The following BCAS1 variants were observed in gnomAD, a reference collection of about 807,000 sequenced individuals.
The protein encoded by BCAS1 is brain enriched myelin associated protein 1, also known as breast carcinoma-amplified sequence 1.
A neutral mutation model predicts 65.4 loss-of-function variants in BCAS1; 46 were observed. That is an observed-to-expected ratio of 0.70 (90% CI 0.55 to 0.90). The LOEUF is 0.90. Among genes scored for constraint, BCAS1 ranks in the 40% least tolerant of loss-of-function variants. BCAS1 has a pLI of 0.00. For missense variants in BCAS1, 793 were observed against 771.2 expected (o/e 1.03, Z -0.33); for synonymous variants, 298 against 293.5 (o/e 1.02, Z -0.16).
rs1555837104 is a variant in BCAS1 at position 53,946,520 on chromosome 20, T to TAC, written c.1816-1526_1816-1525dup. 1.7e-3 allele frequency among the ~76,000 whole-genome samples: 216 copies of TAC among 125,930 alleles called. 1 individual carries two copies. The highest frequency in any genetic ancestry group is 6.2e-3 in the African/African-American group (176 of 28,528). The allele number at this position is 125,930 out of a possible 152,430, so 82.6% of individuals were successfully genotyped here. On this transcript the variant is annotated intron_variant, in intron 12 of 12. Transcript: ENST00000688948. Reference sequence around the variant, plus strand: ...ATTGTATACAGTATATATATATATATACACACACACATAGAGAGAGTATAG... The same window carrying TAC: ...ATTGTATACAGTATATATATATATATACACACACACACATAGAGAGAGTATAG...
chr20:54,027,047 A>G (rs1249652105), intron 4 of BCAS1, among the ~76,000 whole-genome samples: 1 of 152,130 alleles, frequency 6.6e-6, no homozygotes, highest in Non-Finnish European at 1.5e-5. Context: ...GTGCATTTGG[A>G]GACTTATTTT....
intron 9 of BCAS1, among the ~76,000 whole-genome samples, chr20:53,968,841 A>C (rs1457006527): frequency 6.6e-6 from 1 of 152,206 alleles, no homozygotes; most frequent in Non-Finnish European, 1.5e-5. Context: ...GATTGGCCAA[A>C]CAAAACCTAT....
intron 3 of BCAS1, 108 bp downstream of exon 3, chr20:54,057,977 G>A (rs916368136): frequency 1.2e-6 from 1 of 843,338 alleles, no homozygotes; most frequent in East Asian, 2.7e-5. Flanking sequence ...TTCAAACTGA[G>A]CCTGCGGCTT....
In BCAS1 at chr20:54,011,731, G is replaced by A. The variant is rs144816122; in HGVS notation, c.724-15681C>T. Among the ~76,000 whole-genome samples, 812 of 152,278 alleles carry A rather than the reference G, an allele frequency of 5.3e-3. 6 individuals carry two copies. The highest frequency in any genetic ancestry group is 8.2e-3 in the Non-Finnish European group (561 of 68,010). On this transcript the variant is annotated intron_variant, in intron 4 of 12. Coordinates refer to ENST00000688948, the MANE Select transcript of BCAS1 (RefSeq NM_001366298.2). ...AAATAATTAAACATGCAGGCAGGGC[G>A]TGGTGGCAAGTGTCTGTAATCCCAG... is the stretch of plus-strand genomic sequence containing the variant.
chr20:53,979,475 G>A (rs779103163), intron 8 of BCAS1, among the ~76,000 whole-genome samples: 2 of 152,186 alleles, frequency 1.3e-5, no homozygotes, highest in African/African-American at 2.4e-5. Flanking sequence ...CAGCTGCAGC[G>A]GGATTCTCCT....
At chr20:54,031,485 T>C (rs2091798914) in intron 3 of BCAS1, among the ~76,000 whole-genome samples, 1 of 151,306 alleles carries the variant, frequency 6.6e-6, no homozygotes, top group Non-Finnish European at 1.5e-5. Flanking sequence ...TTCTATTTCC[T>C]TTGCTCAGAT....
chr20:54,007,818 G>A (rs1020898149), intron 4 of BCAS1, among the ~76,000 whole-genome samples: 2 of 152,102 alleles, frequency 1.3e-5, no homozygotes, highest in Non-Finnish European at 2.9e-5. Context: ...CTCTCACCAA[G>A]GACAATGAAG....
chr20:54,060,310 G>T (rs2092360381), intron 1 of BCAS1, among the ~76,000 whole-genome samples: 1 of 152,152 alleles, frequency 6.6e-6, no homozygotes, highest in Non-Finnish European at 1.5e-5. Flanking sequence ...TCTAAGTTAT[G>T]AATAAAAGTA....
At chr20:54,017,391 TTTC>T (rs968383674) in intron 4 of BCAS1, among the ~76,000 whole-genome samples, 21 of 133,044 alleles carry the variant, frequency 1.6e-4, no homozygotes, top group Admixed American at 1.2e-3. Flanking sequence ...TGTGATTTTT[TTTC>T]TTTTCTTTTT....
At chr20:54,066,294 G>T (rs183070162) in intron 1 of BCAS1, among the ~76,000 whole-genome samples, 24 of 152,088 alleles carry the variant, frequency 1.6e-4, no homozygotes, top group Admixed American at 5.2e-4. Flanking sequence ...GGATGGTCTC[G>T]ATCTCCTGAC....
At chr20:53,968,363 T>C (rs2299733) in intron 9 of BCAS1, among the ~76,000 whole-genome samples, 3,564 of 152,278 alleles carry the variant, frequency 0.023, 93 homozygotes, top group East Asian at 0.11. Context: ...CCTAGCTTCT[T>C]GGAGCCTTGT....
At chr20:53,978,473 A>T (rs933371980) in intron 8 of BCAS1, among the ~76,000 whole-genome samples, 2 of 152,228 alleles carry the variant, frequency 1.3e-5, no homozygotes, top group Non-Finnish European at 2.9e-5. Flanking sequence ...AAAAACATGC[A>T]GTAAGTTCTA....
At chr20:53,964,776 T>C (rs2089981888) in intron 10 of BCAS1, among the ~76,000 whole-genome samples, 1 of 151,750 alleles carries the variant, frequency 6.6e-6, no homozygotes, top group Non-Finnish European at 1.5e-5. Flanking sequence ...TTGTTTTAGA[T>C]GGATGCTGTG....
chr20:53,994,910 C>A, intron 6 of BCAS1, 102 bp downstream of exon 6: 1 of 856,576 alleles, frequency 1.2e-6, no homozygotes, highest in Non-Finnish European at 1.9e-6. Flanking sequence ...CACACACACA[C>A]ACACACATAT....
intron 9 of BCAS1, among the ~76,000 whole-genome samples, chr20:53,970,415 CT>C (rs762735659): frequency 1.3e-5 from 2 of 152,318 alleles, no homozygotes; most frequent in South Asian, 2.1e-4. Flanking sequence ...AAATAAGGAT[CT>C]GATTTGCATA....
intron 4 of BCAS1, among the ~76,000 whole-genome samples, chr20:54,024,846 G>T (rs938272391): frequency 1.3e-5 from 2 of 152,178 alleles, no homozygotes; most frequent in East Asian, 1.9e-4. Context: ...AAACATCATG[G>T]TGGCTGTGAC....
intron 6 of BCAS1, among the ~76,000 whole-genome samples, chr20:53,993,822 A>G (rs2090828831): frequency 6.6e-6 from 1 of 152,240 alleles, no homozygotes; most frequent in Non-Finnish European, 1.5e-5. Flanking sequence ...TTTTTTTCCA[A>G]TGGAAGAAGA....
intron 4 of BCAS1, among the ~76,000 whole-genome samples, chr20:54,025,180 C>G (rs1410892560): frequency 2.0e-5 from 3 of 152,198 alleles, no homozygotes; most frequent in Non-Finnish European, 4.4e-5. Flanking sequence ...TCAACACAAA[C>G]ACAACTCTGG....
chr20:53,970,285 A>G (rs981965042), intron 9 of BCAS1, among the ~76,000 whole-genome samples: 3 of 152,262 alleles, frequency 2.0e-5, no homozygotes, highest in African/African-American at 7.2e-5. Flanking sequence ...TGCAGTAGGT[A>G]AAAAAATATA....
Sources: allele counts gnomAD v4.1 joint callset (sites outside exome capture counted in the v4.1 genomes callset), GRCh38; gene constraint gnomAD v4.1.1; transcripts MANE v1.5; gene names NCBI Gene and HGNC (gene_info 2026-07-23, HGNC 2026-07-21).